CPNE4: variants seen among roughly 807,000 people sequenced by gnomAD.
CPNE4 encodes copine 4.
In CPNE4, 25 loss-of-function variants were observed where a neutral mutation model predicts 67.9. The observed-to-expected ratio is 0.37, with a 90% confidence interval of 0.27 to 0.51. The LOEUF is 0.51. Ranked by LOEUF, CPNE4 falls within the 20% of genes least tolerant of loss-of-function variation. The pLI is 0.93. For synonymous variants in CPNE4, 242 were observed against 244.9 expected, an observed-to-expected ratio of 0.99 and a Z score of 0.11; for missense variants, 464 against 690.8, an observed-to-expected ratio of 0.67 and a Z score of 3.68.
chr3:131,677,139 G>A lies in CPNE4; in HGVS notation c.592-7375C>T, dbSNP rs2080597559. 2.0e-5 allele frequency among the ~76,000 whole-genome samples: 3 copies of A among 151,726 alleles called. No homozygotes were observed. The South Asian group carries it at 6.2e-4, about 32-fold the overall frequency. On this transcript the variant is annotated intron_variant, in intron 6 of 15. Transcript: ENST00000429747. ...CATTTCTCTAATGATCAATGATGTT[G>A]AGCTTTTTTTCATATGATTGTTGGC...
chr3:131,868,044 T>G (rs1401363661), intron 2 of CPNE4, among the ~76,000 whole-genome samples: 2 of 152,164 alleles, frequency 1.3e-5, no homozygotes, highest in Non-Finnish European at 2.9e-5. Flanking sequence ...ATTCTAATAA[T>G]GAAAACTGCC....
chr3:131,808,355 G>A (rs913039081), intron 2 of CPNE4, among the ~76,000 whole-genome samples: 1 of 152,100 alleles, frequency 6.6e-6, no homozygotes, highest in African/African-American at 2.4e-5. Context: ...AGTGGAAAAA[G>A]TGGGCAACAT....
chr3:131,578,796 A>G (rs1937618761), intron 9 of CPNE4, among the ~76,000 whole-genome samples: 1 of 152,194 alleles, frequency 6.6e-6, no homozygotes. Context: ...CTTCAATTCT[A>G]TGAAGGCTGA....
intron 1 of CPNE4, among the ~76,000 whole-genome samples, chr3:131,956,321 T>C (rs1424534318): frequency 1.3e-5 from 2 of 152,214 alleles, no homozygotes; most frequent in African/African-American, 2.4e-5. Context: ...TCAAATTTTA[T>C]TGGCTTGATG....
chr3:131,824,104 T>G (rs1342842842), intron 2 of CPNE4, among the ~76,000 whole-genome samples: 1 of 151,550 alleles, frequency 6.6e-6, no homozygotes, highest in Non-Finnish European at 1.5e-5. Context: ...GCTAATGAGT[T>G]GAACAAGTCT....
At chr3:132,002,701 T>C (rs1560768116) in intron 1 of CPNE4, among the ~76,000 whole-genome samples, 1 of 151,992 alleles carries the variant, frequency 6.6e-6, no homozygotes, top group Non-Finnish European at 1.5e-5. Context: ...GTTCTTGGTA[T>C]AAAAAGCAAA....
At chr3:131,945,282 A>T (rs2071519138) in intron 1 of CPNE4, among the ~76,000 whole-genome samples, 1 of 152,182 alleles carries the variant, frequency 6.6e-6, no homozygotes, top group African/African-American at 2.4e-5. Flanking sequence ...GAGATGATAA[A>T]ACTTCTCCAG....
chr3:131,564,810 A>G (rs1936970993), intron 10 of CPNE4, among the ~76,000 whole-genome samples: 1 of 152,042 alleles, frequency 6.6e-6, no homozygotes. Flanking sequence ...AGCCATTGTC[A>G]TGTTTCCATG....
intron 2 of CPNE4, among the ~76,000 whole-genome samples, chr3:131,770,047 A>G (rs1026016754): frequency 6.6e-6 from 1 of 152,072 alleles, no homozygotes; most frequent in Non-Finnish European, 1.5e-5. Context: ...AAACGACCTC[A>G]AGTTCTGTCA....
At chr3:131,754,895 T>C (rs1371591911) in intron 2 of CPNE4, among the ~76,000 whole-genome samples, 1 of 152,202 alleles carries the variant, frequency 6.6e-6, no homozygotes, top group Non-Finnish European at 1.5e-5. Context: ...ATGTTTTCAA[T>C]GTTAAGTTAC....
At chr3:131,900,893 T>A (rs991945570) in intron 2 of CPNE4, among the ~76,000 whole-genome samples, 1 of 152,056 alleles carries the variant, frequency 6.6e-6, no homozygotes, top group Non-Finnish European at 1.5e-5. Context: ...CCATATGGAA[T>A]TGATCCAAAG....
intron 6 of CPNE4, among the ~76,000 whole-genome samples, chr3:131,675,940 GT>G (rs1414527362): frequency 9.1e-5 from 13 of 142,380 alleles, no homozygotes; most frequent in Non-Finnish European, 1.4e-4. Flanking sequence ...TCTGGTTTAT[GT>G]TTTTTTAAAT....
chr3:131,924,105 G>A (rs892678632), intron 1 of CPNE4, among the ~76,000 whole-genome samples: 2 of 152,082 alleles, frequency 1.3e-5, no homozygotes, highest in Non-Finnish European at 2.9e-5. Context: ...TGTCCCCTGG[G>A]GACTCATCAA....
chr3:131,707,239 T>C (rs578122577), intron 3 of CPNE4, among the ~76,000 whole-genome samples: 5 of 152,172 alleles, frequency 3.3e-5, no homozygotes, highest in Non-Finnish European at 4.4e-5. Flanking sequence ...AGAGCCACAC[T>C]CTCTCCAGAG....
At chr3:131,977,995 T>C (rs999473442) in intron 1 of CPNE4, among the ~76,000 whole-genome samples, 1 of 141,628 alleles carries the variant, frequency 7.1e-6, no homozygotes, top group Non-Finnish European at 1.5e-5. Context: ...TCCAGGTCAC[T>C]GCAAATGCTA....
chr3:131,990,450 G>T (rs1400435161), intron 1 of CPNE4, among the ~76,000 whole-genome samples: 1 of 134,658 alleles, frequency 7.4e-6, no homozygotes, highest in Non-Finnish European at 1.7e-5. Flanking sequence ...GTTGTTTTTG[G>T]TTCTTTTTCT....
At position 131,779,466 on chromosome 3, in the gene CPNE4, T is replaced by C. The variant is rs146207269; in HGVS notation, c.181-55841A>G. Among the ~76,000 whole-genome samples the C allele has an allele frequency of 3.7e-3, 556 of 152,052 alleles. 4 individuals carry two copies. Among genetic ancestry groups the C allele is most frequent in the African/African-American group, 0.013 (520 of 41,486 alleles). ...AGCTACAGTAACTAAAATGGCATGG[T>C]ACTCGTAGAAAAAAAAGACACATAG... On this transcript the variant is annotated intron_variant, in intron 2 of 15. Transcript: ENST00000429747.
At chr3:131,798,806 T>C (rs747199498) in intron 2 of CPNE4, among the ~76,000 whole-genome samples, 2 of 152,144 alleles carry the variant, frequency 1.3e-5, no homozygotes, top group Non-Finnish European at 2.9e-5. Context: ...AGGTGGTATA[T>C]CATATTCTGT....
intron 1 of CPNE4, among the ~76,000 whole-genome samples, chr3:131,961,792 C>T (rs1011254807): frequency 1.3e-5 from 2 of 152,128 alleles, no homozygotes; most frequent in Admixed American, 6.5e-5. Context: ...AGGGTAGAGA[C>T]AACATAGGTG....
Sources: allele counts gnomAD v4.1 joint callset (sites outside exome capture counted in the v4.1 genomes callset), GRCh38; gene constraint gnomAD v4.1.1; transcripts MANE v1.5; gene names NCBI Gene and HGNC (gene_info 2026-07-23, HGNC 2026-07-21).